Variants in FAM20C observed in about 807,000 individuals in gnomAD.
FAM20C encodes the protein extracellular serine/threonine protein kinase FAM20C.
Under a neutral mutation model 51.5 loss-of-function variants are expected in FAM20C, and 40 were observed. The ratio of observed to expected loss-of-function variants is 0.78; its 90% confidence interval spans 0.60 to 1.01. The LOEUF (loss-of-function observed/expected upper bound fraction) is 1.01. Among genes scored for constraint, FAM20C ranks in the 50% least tolerant of loss-of-function variants. The pLI is 0.00. For synonymous variants in FAM20C, 406 were observed against 380.6 expected (o/e 1.07, Z -0.78); for missense variants, 861 against 844.7 (o/e 1.02, Z -0.24).
chr7:211,256 A>T (rs1420040120), intron 3 of FAM20C, among the ~76,000 whole-genome samples: 2 of 60,834 alleles, frequency 3.3e-5, no homozygotes, highest in Non-Finnish European at 6.9e-5. Context: ...ACCTCCCCCC[A>T]GCCTCCTCCA....
In FAM20C at chr7:246,044, C is replaced by A. The variant is rs1367688974; in HGVS notation, c.864-371C>A. On this transcript the variant is annotated intron_variant, in intron 3 of 9. Transcript: ENST00000313766. ...TCTCCCCTGCGGTGTGACTGTGGGT[C>A]CCAGGGTGGACGTGCCGGGGCCCCC... The A allele has an allele frequency of 2.2e-5, 4 of 180,702 alleles. No homozygotes were observed. In the East Asian group the frequency reaches 6.0e-4, roughly 27 times the overall value. The allele number at this position is 180,702 out of a possible 1,614,324, so 11.2% of individuals were successfully genotyped here. A position where few individuals can be genotyped will look rare whatever the true frequency, so the allele number is the denominator to read the frequency against.
At chr7:228,658 C>T (rs919240480) in intron 3 of FAM20C, 4 of 456,130 alleles carry the variant, frequency 8.8e-6, no homozygotes, top group Non-Finnish European at 1.8e-5. Flanking sequence ...CAGGTTTGGA[C>T]AACTGGTGCC....
intron 7 of FAM20C, 79 bp downstream of exon 7, chr7:256,842 A>G (rs1788609499): frequency 2.8e-6 from 4 of 1,448,482 alleles, no homozygotes; most frequent in Non-Finnish European, 3.7e-6. Flanking sequence ...TGCAGGGCAC[A>G]CTCCGTGGCA....
chr7:193,896 C>G, intron 1 of FAM20C, 92 bp downstream of exon 1: 5 of 1,432,878 alleles, frequency 3.5e-6, no homozygotes, highest in Non-Finnish European at 4.6e-6. Context: ...GGGCCGCCCC[C>G]CATGGAAGAG....
In FAM20C at chr7:215,231, G is replaced by A. The variant is rs551946395; in HGVS notation, c.863+6255G>A. Reference sequence around the variant, plus strand: ...CACAGAGTTTAGAGGCTCCAGCTGGGGGGGGGAGCAGGGCCCCTGGTGTAT... The same window carrying A: ...CACAGAGTTTAGAGGCTCCAGCTGGAGGGGGGAGCAGGGCCCCTGGTGTAT... On this transcript the variant is annotated intron_variant, in intron 3 of 9. Coordinates refer to ENST00000313766, the MANE Select transcript of FAM20C (RefSeq NM_020223.4). Among the ~76,000 whole-genome samples, 13 of 124,780 alleles carry A rather than the reference G, an allele frequency of 1.0e-4. 1 individual carries two copies. The highest frequency in any genetic ancestry group is 5.1e-4 in the Admixed American group (6 of 11,708). 81.9% of individuals were successfully genotyped at this position (124,780 alleles called of 152,430 possible).
chr7:219,143 T>C (rs975540680), intron 3 of FAM20C, among the ~76,000 whole-genome samples: 1 of 152,054 alleles, frequency 6.6e-6, no homozygotes, highest in Non-Finnish European at 1.5e-5. Flanking sequence ...GCGGTTCTTG[T>C]CCCTTCTCCG....
At position 193,518 on chromosome 7, in the gene FAM20C, C is replaced by G. The variant is rs773210635; in HGVS notation, c.319C>G (p.Leu107Val). ...DPSSNLSSHS[L>V]EKLPPAAEPA... ...CTCCTCCAACCTCTCGTCCCACTCGCTGGAGAAACTGCCGCCCGCGGCCGA... is the reference window on the plus strand; with the variant it reads ...CTCCTCCAACCTCTCGTCCCACTCGGTGGAGAAACTGCCGCCCGCGGCCGA... The change falls in exon 1 of 10, where the codon CTG becomes GTG. Residue 107 changes from leucine (L) to valine (V), a missense_variant. Transcript: ENST00000313766. The G allele has an allele frequency of 6.7e-7, 1 of 1,501,212 alleles. No homozygotes were observed. Among genetic ancestry groups the G allele is most frequent in the South Asian group, 1.3e-5 (1 of 79,738 alleles). 93.0% of individuals were successfully genotyped at this position (1,501,212 alleles called of 1,614,324 possible).
chr7:230,382 G>GGGGAC (rs1554253388), intron 3 of FAM20C, among the ~76,000 whole-genome samples: 1 of 59,268 alleles, frequency 1.7e-5, no homozygotes, highest in Non-Finnish European at 4.2e-5. Context: ...TGGGGGGGGG[G>GGGGAC]GGGAACAGAT....
chr7:253,028 A>G (rs1401798625), intron 5 of FAM20C, among the ~76,000 whole-genome samples: 2 of 152,220 alleles, frequency 1.3e-5, no homozygotes, highest in Non-Finnish European at 2.9e-5. Context: ...GCCTGGACAG[A>G]AGGGCTTTGC....
Position 258,279 on chromosome 7 carries a change from C to A in FAM20C, c.1446-367C>A, listed in dbSNP as rs551266809. 2.3e-5 allele frequency among the ~76,000 whole-genome samples: 3 copies of A among 133,238 alleles called. 1 individual carries two copies. Among genetic ancestry groups the A allele is most frequent in the Middle Eastern group, 4.1e-3 (1 of 242 alleles). The allele number at this position is 133,238 out of a possible 152,430, so 87.4% of individuals were successfully genotyped here. On this transcript the variant is annotated intron_variant, in intron 8 of 9. Coordinates refer to ENST00000313766, the MANE Select transcript of FAM20C (RefSeq NM_020223.4). ...GGTGCTGGAGATAGGCAGGGTGGAC[C>A]CACTGCCTGGGGTGCTGGAGATGGG...
At chr7:209,428 A>G (rs912505602) in intron 3 of FAM20C, among the ~76,000 whole-genome samples, 1 of 152,200 alleles carries the variant, frequency 6.6e-6, no homozygotes, top group Non-Finnish European at 1.5e-5. Context: ...TCCTAGCCCC[A>G]AAGCAGCCAG....
chr7:198,499 A>T (rs1785985445), intron 2 of FAM20C, among the ~76,000 whole-genome samples: 1 of 152,244 alleles, frequency 6.6e-6, no homozygotes, highest in Non-Finnish European at 1.5e-5. Flanking sequence ...AGGCTAGTTA[A>T]AAGTCCTGAT....
chr7:209,971 C>T (rs1042930227), intron 3 of FAM20C, among the ~76,000 whole-genome samples: 4 of 151,960 alleles, frequency 2.6e-5, no homozygotes, highest in African/African-American at 9.7e-5. Flanking sequence ...CCCCGGTCTT[C>T]CCCCAAGACC....
intron 3 of FAM20C, among the ~76,000 whole-genome samples, chr7:234,310 C>A (rs992721736): frequency 6.6e-6 from 1 of 152,252 alleles, no homozygotes; most frequent in East Asian, 1.9e-4. Flanking sequence ...GGCGACAAGC[C>A]CAGTCGGGAG....
At chr7:236,767 G>A (rs948073975) in intron 3 of FAM20C, among the ~76,000 whole-genome samples, 2 of 148,942 alleles carry the variant, frequency 1.3e-5, no homozygotes, top group South Asian at 2.1e-4. Flanking sequence ...GGTTTCATGC[G>A]GAGGTGAGGC....
intron 3 of FAM20C, among the ~76,000 whole-genome samples, chr7:213,951 C>T (rs373612741): frequency 4.3e-4 from 66 of 152,288 alleles, no homozygotes; most frequent in African/African-American, 1.4e-3. Context: ...GGGCCATTGA[C>T]GTGTCTTCTT....
intron 3 of FAM20C, among the ~76,000 whole-genome samples, chr7:236,091 C>T (rs1209615740): frequency 1.3e-5 from 2 of 152,162 alleles, no homozygotes; most frequent in Non-Finnish European, 2.9e-5. Context: ...CCGCTTCGGC[C>T]GAGTTCGTCC....
chr7:259,504 T>C (rs1396167871), intron 9 of FAM20C, among the ~76,000 whole-genome samples: 4 of 146,792 alleles, frequency 2.7e-5, no homozygotes, highest in South Asian at 2.1e-4. Context: ...CTGTGTCTCT[T>C]TCTGTCTGTC....
intron 2 of FAM20C, among the ~76,000 whole-genome samples, chr7:196,342 C>T (rs1232986255): frequency 6.6e-6 from 1 of 152,254 alleles, no homozygotes; most frequent in Non-Finnish European, 1.5e-5. Context: ...AAAGGGCATC[C>T]AGTTGCTGAT....
Sources: allele counts gnomAD v4.1 joint callset (sites outside exome capture counted in the v4.1 genomes callset), GRCh38; gene constraint gnomAD v4.1.1; transcripts MANE v1.5; gene names NCBI Gene and HGNC (gene_info 2026-07-23, HGNC 2026-07-21).